Variants in SV2C observed in about 807,000 individuals in gnomAD.
SV2C encodes the protein synaptic vesicle glycoprotein 2C.
In SV2C, 49 loss-of-function variants were observed where a neutral mutation model predicts 79.7. The observed-to-expected ratio is 0.61, with a 90% CI of 0.49 to 0.78. The LOEUF is 0.78. Among genes scored for constraint, SV2C ranks in the 30% least tolerant of loss-of-function variants. SV2C has a pLI of 0.00. For missense variants in SV2C, 833 were observed against 912.9 expected (o/e 0.91, Z 1.13); for synonymous variants, 334 against 333.2 (o/e 1.00, Z -0.03).
At chr5:75,918,103 G>A in the SV2C span, among the ~76,000 whole-genome samples, 1 of 152,164 alleles carries the variant, frequency 6.6e-6, no homozygotes, top group Non-Finnish European at 1.5e-5. Flanking sequence ...ACAGAGCCTG[G>A]CAAATAGTTA....
At chr5:75,900,521 C>T in the SV2C span, among the ~76,000 whole-genome samples, 8,922 of 151,924 alleles carry the variant, frequency 0.059, 314 homozygotes, top group Admixed American at 0.083. Context: ...TCAACTTTGG[C>T]GAATCTGACA....
intron 4 of SV2C, among the ~76,000 whole-genome samples, chr5:76,238,027 T>TACAC (rs796926428): frequency 0.18 from 22,181 of 122,134 alleles, 1,944 homozygotes; most frequent in South Asian, 0.27. Context: ...CAATCACACA[T>TACAC]ACACACACAC....
chr5:76,056,862 A>T, the SV2C span, among the ~76,000 whole-genome samples: 1 of 151,320 alleles, frequency 6.6e-6, no homozygotes, highest in Non-Finnish European at 1.5e-5. Context: ...TATCCCCTTT[A>T]TCATGTTTTA....
At chr5:75,853,994 CAAAA>C in the SV2C span, among the ~76,000 whole-genome samples, 2 of 121,656 alleles carry the variant, frequency 1.6e-5, no homozygotes. Context: ...CATCTATCAC[CAAAA>C]AAAAAAAAAA....
At chr5:76,159,986 AAAT>A (rs1742852139) in intron 2 of SV2C, among the ~76,000 whole-genome samples, 1 of 152,088 alleles carries the variant, frequency 6.6e-6, no homozygotes, top group African/African-American at 2.4e-5. Context: ...TAGTATTAAA[AAAT>A]AAAATACTTA....
chr5:76,208,289 G>C lies in SV2C; in HGVS notation c.762-1447G>C, dbSNP rs149425450. Among the ~76,000 whole-genome samples, 8 of 152,248 alleles carry C rather than the reference G, an allele frequency of 5.3e-5. No homozygotes were observed. The East Asian group carries it at 1.5e-3, about 29-fold the overall frequency. On this transcript the variant is annotated intron_variant, in intron 3 of 12. Transcript: ENST00000502798. ...TATGCTTATCCTTATTACTTAGGTTGCACTTAAATATTTTTATCACTATCT... is the reference window on the plus strand; with the variant it reads ...TATGCTTATCCTTATTACTTAGGTTCCACTTAAATATTTTTATCACTATCT...
the SV2C span, among the ~76,000 whole-genome samples, chr5:75,901,384 T>C: frequency 6.6e-6 from 1 of 152,156 alleles, no homozygotes; most frequent in African/African-American, 2.4e-5. Context: ...TCAGCAGTGG[T>C]GGCTGCAGAA....
At position 76,329,317 on chromosome 5, in the gene SV2C, G is replaced by C. The variant is rs1749104442; in HGVS notation, c.*3770G>C. On this transcript the variant is annotated 3_prime_UTR_variant, in exon 13 of 13. Coordinates refer to ENST00000502798, the MANE Select transcript of SV2C (RefSeq NM_014979.4). ...TTGCCAGATAAACGCGCTTAGGTTA[G>C]AAGACTATAATTGCAATATTACCCT... 9 of 152,190 alleles carry C rather than the reference G, an allele frequency of 5.9e-5. No homozygotes were observed. 9.4% of individuals were successfully genotyped at this position (152,190 alleles called of 1,614,324 possible). A position where few individuals can be genotyped will look rare whatever the true frequency, so the allele number is the denominator to read the frequency against.
intron 2 of SV2C, among the ~76,000 whole-genome samples, chr5:76,165,011 T>A (rs1352621158): frequency 7.1e-6 from 1 of 140,122 alleles, no homozygotes; most frequent in East Asian, 2.3e-4. Context: ...AAAAAAAGTC[T>A]GTACATATTC....
the SV2C span, among the ~76,000 whole-genome samples, chr5:75,850,840 G>T: frequency 6.6e-6 from 1 of 152,132 alleles, no homozygotes; most frequent in South Asian, 2.1e-4. Flanking sequence ...AGAGGGCTTT[G>T]TACTAATAAT....
intron 4 of SV2C, among the ~76,000 whole-genome samples, chr5:76,262,787 T>C (rs1561288582): frequency 6.6e-6 from 1 of 152,222 alleles, no homozygotes; most frequent in Non-Finnish European, 1.5e-5. Flanking sequence ...TGCACTGTGG[T>C]CTGAGAGACT....
the SV2C span, among the ~76,000 whole-genome samples, chr5:76,072,687 T>C: frequency 1.3e-5 from 2 of 152,214 alleles, no homozygotes; most frequent in Non-Finnish European, 1.5e-5. Context: ...TCTCCACATT[T>C]TTTCCATAGT....
At chr5:75,904,056 G>C in the SV2C span, among the ~76,000 whole-genome samples, 1 of 152,134 alleles carries the variant, frequency 6.6e-6, no homozygotes, top group African/African-American at 2.4e-5. Context: ...GTAAGCACAC[G>C]TGTGTTTAAA....
At chr5:75,997,871 T>G in the SV2C span, among the ~76,000 whole-genome samples, 69,850 of 151,612 alleles carry the variant, frequency 0.46, 16,916 homozygotes, top group Middle Eastern at 0.63. Context: ...AAATCATGCT[T>G]CTATAAAGGC....
At chr5:76,074,417 C>A in the SV2C span, among the ~76,000 whole-genome samples, 504 of 152,150 alleles carry the variant, frequency 3.3e-3, 2 homozygotes, top group African/African-American at 0.012. Context: ...TTCTGAGTGA[C>A]AAAAACTACC....
the SV2C span, among the ~76,000 whole-genome samples, chr5:75,955,208 T>A: frequency 6.6e-6 from 1 of 151,476 alleles, no homozygotes; most frequent in Non-Finnish European, 1.5e-5. Flanking sequence ...TATAGATCAA[T>A]GGAACAGAAC....
chr5:76,028,366 T>C, the SV2C span, among the ~76,000 whole-genome samples: 1 of 152,206 alleles, frequency 6.6e-6, no homozygotes, highest in Admixed American at 6.5e-5. Flanking sequence ...CAATATTTTG[T>C]AAGGATGGTA....
At chr5:76,277,558 G>A (rs887969209) in intron 4 of SV2C, among the ~76,000 whole-genome samples, 9 of 152,168 alleles carry the variant, frequency 5.9e-5, no homozygotes, top group Non-Finnish European at 1.2e-4. Flanking sequence ...AGGATGGCTT[G>A]AGCCCAGGAG....
the SV2C span, among the ~76,000 whole-genome samples, chr5:75,908,416 T>A: frequency 3.9e-5 from 6 of 152,258 alleles, no homozygotes; most frequent in African/African-American, 1.4e-4. Context: ...TATGGCTGAA[T>A]AATATTCCAT....
Sources: allele counts gnomAD v4.1 joint callset (sites outside exome capture counted in the v4.1 genomes callset), GRCh38; gene constraint gnomAD v4.1.1; transcripts MANE v1.5; gene names NCBI Gene and HGNC (gene_info 2026-07-23, HGNC 2026-07-21).